Variants in CADPS2 observed in about 807,000 individuals in gnomAD.
CADPS2 encodes calcium-dependent secretion activator 2.
In CADPS2, 93 loss-of-function variants were observed where a neutral mutation model predicts 172.5. The ratio of observed to expected loss-of-function variants is 0.54; its 90% confidence interval spans 0.46 to 0.64. CADPS2 has a LOEUF of 0.64. Ranked by LOEUF, CADPS2 falls within the 30% of genes least tolerant of loss-of-function variation. The pLI is 0.00. For synonymous variants in CADPS2, 546 were observed against 555.2 expected (o/e 0.98, Z 0.23); for missense variants, 1,420 against 1,565.9 (o/e 0.91, Z 1.57).
intron 6 of CADPS2, among the ~76,000 whole-genome samples, chr7:122,605,124 T>C (rs565149112): frequency 1.8e-4 from 28 of 152,048 alleles, no homozygotes; most frequent in Non-Finnish European, 4.0e-4. Context: ...GAAAATATGG[T>C]ATAAACAATA....
At chr7:122,440,758 AATT>A (rs2051245613) in intron 16 of CADPS2, among the ~76,000 whole-genome samples, 1 of 152,172 alleles carries the variant, frequency 6.6e-6, no homozygotes, top group Non-Finnish European at 1.5e-5. Flanking sequence ...ACAATAATCA[AATT>A]ATGAGCTACA....
chr7:122,766,437 T>C (rs182758775), intron 1 of CADPS2, among the ~76,000 whole-genome samples: 8 of 152,236 alleles, frequency 5.3e-5, no homozygotes, highest in Admixed American at 5.2e-4. Context: ...GATAAGAATA[T>C]TTCTACATTT....
intron 7 of CADPS2, among the ~76,000 whole-genome samples, chr7:122,556,600 A>G (rs1324307515): frequency 6.6e-6 from 1 of 152,164 alleles, no homozygotes; most frequent in Non-Finnish European, 1.5e-5. Context: ...AGGTCCCAAA[A>G]TAACTGATTT....
At chr7:122,496,610 GA>G (rs113396081) in intron 9 of CADPS2, among the ~76,000 whole-genome samples, 5 of 152,014 alleles carry the variant, frequency 3.3e-5, no homozygotes, top group African/African-American at 1.2e-4. Flanking sequence ...TCATTTTTAT[GA>G]TTTGTTTTTT....
Position 122,554,674 on chromosome 7 carries a change from T to C in CADPS2, c.1351A>G (p.Thr451Ala). 6.2e-7 allele frequency: 1 copy of C among 1,608,378 alleles called. No individual in the cohort carries two copies. Among genetic ancestry groups the C allele is most frequent in the Non-Finnish European group, 8.5e-7 (1 of 1,177,280 alleles). ...TCAGCTGATTTGGAGCTATTAGAAG[T>C]TGGGTATAATATCACCTGTATGGAA... ...KELGRVILYP[T>A]SNSSKSAELH... Residue 451 changes from threonine (T) to alanine (A), a missense_variant, in exon 8 of 30, where the codon ACT becomes GCT. Thr to Ala is a moderately conservative substitution (Grantham distance 58). Coordinates refer to ENST00000449022, the MANE Select transcript of CADPS2 (RefSeq NM_017954.11).
intron 27 of CADPS2, among the ~76,000 whole-genome samples, chr7:122,355,183 T>G (rs1014075414): frequency 1.3e-5 from 2 of 152,242 alleles, no homozygotes; most frequent in African/African-American, 2.4e-5. Flanking sequence ...AAGGAATATC[T>G]GACAAGTATG....
intron 2 of CADPS2, among the ~76,000 whole-genome samples, chr7:122,672,349 T>C (rs1263411392): frequency 6.6e-6 from 1 of 152,164 alleles, no homozygotes; most frequent in Non-Finnish European, 1.5e-5. Flanking sequence ...GGACCCAGGA[T>C]TCTCAGTGAA....
chr7:122,794,080 G>T (rs1371096298), intron 1 of CADPS2, among the ~76,000 whole-genome samples: 2 of 152,108 alleles, frequency 1.3e-5, no homozygotes, highest in Non-Finnish European at 2.9e-5. Context: ...TCAGCCTAGA[G>T]AATCTGACGA....
At chr7:122,398,826 C>T in intron 20 of CADPS2, among the ~76,000 whole-genome samples, 1 of 149,170 alleles carries the variant, frequency 6.7e-6, no homozygotes, top group Non-Finnish European at 1.5e-5. Context: ...TAGCACCCAG[C>T]CAAGAATCTG....
At chr7:122,510,510 C>T (rs2059932879) in intron 9 of CADPS2, among the ~76,000 whole-genome samples, 1 of 152,096 alleles carries the variant, frequency 6.6e-6, no homozygotes, top group Admixed American at 6.6e-5. Flanking sequence ...TTGCAGCTGG[C>T]CAAACCTTAC....
At chr7:122,736,273 G>C (rs1396268950) in intron 2 of CADPS2, among the ~76,000 whole-genome samples, 1 of 151,950 alleles carries the variant, frequency 6.6e-6, no homozygotes, top group African/African-American at 2.4e-5. Context: ...ATATATATTC[G>C]CATATTATGC....
chr7:122,357,427 A>G (rs1043059466), intron 27 of CADPS2: 2 of 152,118 alleles, frequency 1.3e-5, no homozygotes, highest in Non-Finnish European at 2.9e-5. Context: ...TATCTCATAC[A>G]TTCACAATAG....
intron 7 of CADPS2, among the ~76,000 whole-genome samples, chr7:122,566,894 C>T (rs1010496): frequency 0.2 from 30,553 of 152,176 alleles, 4,057 homozygotes; most frequent in Non-Finnish European, 0.3. Context: ...TGGACATACA[C>T]TGTGAGTCAG....
chr7:122,496,604 T>A (rs2058747676), intron 9 of CADPS2, among the ~76,000 whole-genome samples: 1 of 152,206 alleles, frequency 6.6e-6, no homozygotes, highest in African/African-American at 2.4e-5. Context: ...TATTTTTCAT[T>A]TTTATGATTT....
At chr7:122,352,564 C>A (rs2038830244) in intron 27 of CADPS2, among the ~76,000 whole-genome samples, 1 of 152,210 alleles carries the variant, frequency 6.6e-6, no homozygotes, top group South Asian at 2.1e-4. Flanking sequence ...GCACAACACA[C>A]AACCTCCTCC....
chr7:122,443,710 C>T (rs1445778621), intron 15 of CADPS2, among the ~76,000 whole-genome samples: 1 of 57,846 alleles, frequency 1.7e-5, no homozygotes, highest in Non-Finnish European at 3.1e-5. Flanking sequence ...CTGCTTTCTA[C>T]AAAAAAAAAA....
At chr7:122,858,801 G>A (rs894925827) in intron 1 of CADPS2, among the ~76,000 whole-genome samples, 1 of 152,182 alleles carries the variant, frequency 6.6e-6, no homozygotes, top group African/African-American at 2.4e-5. Context: ...AACATTGGGG[G>A]CATAGTGAGG....
chr7:122,796,284 C>G (rs1046334558), intron 1 of CADPS2, among the ~76,000 whole-genome samples: 5 of 152,106 alleles, frequency 3.3e-5, no homozygotes, highest in African/African-American at 1.2e-4. Flanking sequence ...GCCATACTGC[C>G]CAAAGCAATT....
At chr7:122,565,731 A>G (rs2066378515) in intron 7 of CADPS2, among the ~76,000 whole-genome samples, 2 of 152,184 alleles carry the variant, frequency 1.3e-5, no homozygotes, top group Non-Finnish European at 2.9e-5. Context: ...AATTATACAT[A>G]TTTACACTAT....
Sources: allele counts gnomAD v4.1 joint callset (sites outside exome capture counted in the v4.1 genomes callset), GRCh38; gene constraint gnomAD v4.1.1; transcripts MANE v1.5; gene names NCBI Gene and HGNC (gene_info 2026-07-23, HGNC 2026-07-21).